The following XRCC5 variants were observed in gnomAD, a reference collection of about 807,000 sequenced individuals.
The protein encoded by XRCC5 is DNA repair protein Ku80.
Under a neutral mutation model 95.7 loss-of-function variants are expected in XRCC5, and 12 were observed. That is an observed-to-expected ratio of 0.13 (90% CI 0.08 to 0.20). The LOEUF (loss-of-function observed/expected upper bound fraction) is 0.20, where lower values mean the gene tolerates loss of function less well. Ranked by LOEUF, XRCC5 falls within the 10% of genes least tolerant of loss-of-function variation. The pLI is 1.00. For missense variants in XRCC5, 595 were observed against 873.9 expected, an observed-to-expected ratio of 0.68 and a Z score of 4.02; for synonymous variants, 281 against 290.3, an observed-to-expected ratio of 0.97 and a Z score of 0.33.
At chr2:216,111,286 C>T (rs989440484) in intron 1 of XRCC5, 1 of 361,116 alleles carries the variant, frequency 2.8e-6, no homozygotes, top group Non-Finnish European at 5.7e-6. Context: ...CTTTGGGAGG[C>T]GGAGGTGGGA....
At chr2:216,191,042 A>G (rs1259810926) in intron 17 of XRCC5, among the ~76,000 whole-genome samples, 1 of 152,232 alleles carries the variant, frequency 6.6e-6, no homozygotes, top group Non-Finnish European at 1.5e-5. Context: ...ACAAAGAGTG[A>G]CAAGAAAATG....
chr2:216,138,030 T>C, intron 11 of XRCC5, 59 bp from the exon 12 acceptor site: 1 of 1,424,388 alleles, frequency 7.0e-7, no homozygotes, highest in Non-Finnish European at 9.7e-7. Flanking sequence ...TTGGGATCAG[T>C]TTTATATTTT....
intron 18 of XRCC5, among the ~76,000 whole-genome samples, chr2:216,194,055 G>C (rs1416804022): frequency 2.0e-5 from 3 of 152,170 alleles, no homozygotes; most frequent in Non-Finnish European, 4.4e-5. Flanking sequence ...AAGACAAAAT[G>C]CATGGCGTAG....
chr2:216,141,486 A>T (rs2106014970), intron 13 of XRCC5, among the ~76,000 whole-genome samples, 167 bp downstream of exon 13: 1 of 150,184 alleles, frequency 6.7e-6, no homozygotes, highest in South Asian at 2.1e-4. Context: ...CAGAAGGTAA[A>T]AATATTCTGA....
At chr2:216,120,889 C>T in intron 5 of XRCC5, among the ~76,000 whole-genome samples, 1 of 152,134 alleles carries the variant, frequency 6.6e-6, no homozygotes, top group East Asian at 1.9e-4. Context: ...GTGTGTGCCA[C>T]CACGCCCGGC....
chr2:216,114,280 C>T, intron 2 of XRCC5, among the ~76,000 whole-genome samples: 1 of 152,038 alleles, frequency 6.6e-6, no homozygotes, highest in East Asian at 1.9e-4. Flanking sequence ...ACTGCTGCTC[C>T]TCCTGGACAC....
chr2:216,189,158 G>A (rs1029507734), intron 16 of XRCC5, among the ~76,000 whole-genome samples: 1 of 152,230 alleles, frequency 6.6e-6, no homozygotes, highest in Admixed American at 6.5e-5. Context: ...GTGGCCTGGG[G>A]CCTTTATTGG....
chr2:216,161,855 TTC>T (rs1471294115), intron 15 of XRCC5, 122 bp from the exon 16 acceptor site: 1 of 797,614 alleles, frequency 1.3e-6, no homozygotes, highest in East Asian at 2.7e-5. Flanking sequence ...AGAAAAGCCC[TTC>T]TCTTTGTCTT....
chr2:216,189,708 G>T (rs765208531), intron 16 of XRCC5, among the ~76,000 whole-genome samples: 21 of 152,230 alleles, frequency 1.4e-4, no homozygotes, highest in Non-Finnish European at 2.6e-4. Context: ...TTAAGACTAG[G>T]GCTGATCTTT....
At chr2:216,149,427 G>A (rs1208239020) in intron 14 of XRCC5, among the ~76,000 whole-genome samples, 2 of 151,904 alleles carry the variant, frequency 1.3e-5, no homozygotes, top group Non-Finnish European at 2.9e-5. Context: ...TCCTGGAGAG[G>A]TTTTCATTTC....
intron 13 of XRCC5, among the ~76,000 whole-genome samples, chr2:216,147,621 T>TG (rs1228798506): frequency 6.6e-6 from 1 of 152,152 alleles, no homozygotes; most frequent in Non-Finnish European, 1.5e-5. Context: ...TCACTGAGCA[T>TG]GGGCAGCTTC....
At chr2:216,131,214 G>C (rs1262571684) in intron 9 of XRCC5, 1 of 985,200 alleles carries the variant, frequency 1.0e-6, no homozygotes, top group Non-Finnish European at 1.2e-6. Flanking sequence ...AATACAGGAT[G>C]GTTTTTGAAT....
At position 216,204,409 on chromosome 2, in the gene XRCC5, A is replaced by C; in HGVS notation, c.2184+13A>C. 1 of 1,613,716 alleles carries C rather than the reference A, an allele frequency of 6.2e-7. No homozygotes were observed. Among genetic ancestry groups the C allele is most frequent in the Non-Finnish European group, 8.5e-7 (1 of 1,179,630 alleles). Reference sequence around the variant, plus strand: ...TGTGGACGATTTAGTAAGTACTTTTAATATGCACCTGGTGTTCTATGATTG... The same window carrying C: ...TGTGGACGATTTAGTAAGTACTTTTCATATGCACCTGGTGTTCTATGATTG... On this transcript the variant is annotated intron_variant, in intron 20 of 20. Coordinates refer to ENST00000392132, the MANE Select transcript of XRCC5 (RefSeq NM_021141.4).
chr2:216,118,113 A>G (rs1490895039), intron 4 of XRCC5, among the ~76,000 whole-genome samples: 1 of 151,866 alleles, frequency 6.6e-6, no homozygotes, highest in Non-Finnish European at 1.5e-5. Context: ...TGTCATTGAT[A>G]TTAAGTGCAT....
intron 10 of XRCC5, among the ~76,000 whole-genome samples, chr2:216,134,678 C>T (rs368147078): frequency 1.3e-5 from 2 of 151,418 alleles, no homozygotes; most frequent in Non-Finnish European, 2.9e-5. Context: ...ATCCACCCCC[C>T]CCCCTCCTCG....
chr2:216,142,816 T>C (rs1697194092), intron 13 of XRCC5, among the ~76,000 whole-genome samples: 1 of 152,212 alleles, frequency 6.6e-6, no homozygotes, highest in African/African-American at 2.4e-5. Context: ...GTTTTTTTGA[T>C]GCTTGTAATT....
At chr2:216,141,126 C>T in intron 12 of XRCC5, 60 bp from the exon 13 acceptor site, 2 of 1,596,144 alleles carry the variant, frequency 1.3e-6, no homozygotes, top group South Asian at 2.2e-5. Context: ...ACGTAGAAAG[C>T]ATTTGTTTTA....
chr2:216,201,495 G>A (rs1689833240), intron 19 of XRCC5, among the ~76,000 whole-genome samples: 1 of 152,050 alleles, frequency 6.6e-6, no homozygotes, highest in Non-Finnish European at 1.5e-5. Context: ...CTTGTGGCCA[G>A]GATTATATTT....
chr2:216,180,394 G>C (rs533382652), intron 16 of XRCC5, among the ~76,000 whole-genome samples: 1 of 152,370 alleles, frequency 6.6e-6, no homozygotes, highest in South Asian at 2.1e-4. Flanking sequence ...GGGAGGCCAA[G>C]GCGGGTGGAT....
Sources: allele counts gnomAD v4.1 joint callset (sites outside exome capture counted in the v4.1 genomes callset), GRCh38; gene constraint gnomAD v4.1.1; transcripts MANE v1.5; gene names NCBI Gene and HGNC (gene_info 2026-07-23, HGNC 2026-07-21).